Variants in GAREM1 observed in about 807,000 individuals in gnomAD.
GAREM1 encodes the protein GRB2-associated and regulator of MAPK protein 1.
A neutral mutation model predicts 71.3 loss-of-function variants in GAREM1; 26 were observed. That is an observed-to-expected ratio of 0.36 (90% confidence interval 0.27 to 0.51). The LOEUF is 0.51. GAREM1 is among the 20% of genes least tolerant of loss of function. GAREM1 has a pLI of 0.95. For missense variants in GAREM1, 1,026 were observed against 1,103.1 expected (o/e 0.93, Z 0.99); for synonymous variants, 440 against 433.2 (o/e 1.02, Z -0.20).
chr18:32,393,096 G>T, intron 1 of GAREM1, 61 bp from the exon 2 acceptor site: 1 of 1,518,958 alleles, frequency 6.6e-7, no homozygotes. Flanking sequence ...TCCATACTTT[G>T]CAATAAAATT....
At position 32,288,198 on chromosome 18, in the gene GAREM1, A is replaced by G. The variant is rs1193857996; in HGVS notation, c.399T>C (p.Ala133=). ...CAGTGTCTTCATTGCATTCACCTGA[A>G]GCAACCTACAATATAATAAATCACA... ...MEDITFNVKV[A]SGECNEDTEV... is the part of the protein sequence containing the mutation. The change falls in exon 4 of 6, where the codon GCT becomes GCC. Residue 133 remains alanine, a synonymous_variant. Coordinates refer to ENST00000269209, the MANE Select transcript of GAREM1 (RefSeq NM_001242409.2). The G allele has an allele frequency of 6.3e-7, 1 of 1,596,534 alleles. No individual in the cohort carries two copies. Among genetic ancestry groups the G allele is most frequent in the East Asian group, 2.2e-5 (1 of 44,666 alleles).
chr18:32,341,073 C>T (rs1010069651), intron 2 of GAREM1, among the ~76,000 whole-genome samples: 1 of 152,090 alleles, frequency 6.6e-6, no homozygotes, highest in Non-Finnish European at 1.5e-5. Flanking sequence ...TGGTGTGCTG[C>T]ACCCATTAAC....
intron 1 of GAREM1, among the ~76,000 whole-genome samples, chr18:32,428,118 T>C (rs926344699): frequency 6.6e-6 from 1 of 152,122 alleles, no homozygotes; most frequent in African/African-American, 2.4e-5. Flanking sequence ...TGGAGGAAAA[T>C]TGTTAAAACA....
chr18:32,325,834 G>A (rs928778005), intron 2 of GAREM1, among the ~76,000 whole-genome samples: 1 of 152,048 alleles, frequency 6.6e-6, no homozygotes, highest in East Asian at 1.9e-4. Context: ...TATAATCCAG[G>A]ACAGTAATAC....
chr18:32,378,297 C>T (rs546380786), intron 2 of GAREM1, among the ~76,000 whole-genome samples: 3 of 151,992 alleles, frequency 2.0e-5, no homozygotes, highest in African/African-American at 7.2e-5. Context: ...GTCAGGAGTT[C>T]GAGACCAGCC....
chr18:32,415,390 C>A (rs1044096690), intron 1 of GAREM1, among the ~76,000 whole-genome samples: 70 of 151,690 alleles, frequency 4.6e-4, no homozygotes, highest in African/African-American at 1.6e-3. Context: ...CCAAACCAGA[C>A]AAAGGCACAT....
chr18:32,412,298 G>C (rs1275524130), intron 1 of GAREM1: 1 of 1,590,460 alleles, frequency 6.3e-7, no homozygotes, highest in Admixed American at 1.7e-5. Flanking sequence ...CAAAGTACTG[G>C]CCTCCACCGC....
chr18:32,277,213 T>C (rs541291382), intron 4 of GAREM1, among the ~76,000 whole-genome samples: 2 of 151,944 alleles, frequency 1.3e-5, no homozygotes, highest in South Asian at 4.2e-4. Flanking sequence ...AAGAAAGGAG[T>C]GAGGCAGTTG....
chr18:32,274,958 CAA>C (rs60198341), intron 4 of GAREM1, among the ~76,000 whole-genome samples: 99 of 113,122 alleles, frequency 8.8e-4, no homozygotes, highest in African/African-American at 2.7e-3. Flanking sequence ...ACAAAAAATA[CAA>C]AAAAAAAAAA....
chr18:32,279,303 G>A (rs546806803), intron 4 of GAREM1, among the ~76,000 whole-genome samples: 138 of 152,262 alleles, frequency 9.1e-4, no homozygotes, highest in African/African-American at 3.1e-3. Context: ...AGCAGGAGGC[G>A]AGCAGCTGGC....
At chr18:32,415,075 A>G in intron 1 of GAREM1, among the ~76,000 whole-genome samples, 1 of 152,154 alleles carries the variant, frequency 6.6e-6, no homozygotes, top group African/African-American at 2.4e-5. Context: ...TACTATGAGC[A>G]ACTTATATGC....
intron 2 of GAREM1, among the ~76,000 whole-genome samples, chr18:32,349,070 T>C (rs1401651961): frequency 1.3e-5 from 2 of 152,218 alleles, no homozygotes; most frequent in East Asian, 1.9e-4. Context: ...TCAGACTATA[T>C]GATTTTCAAG....
intron 2 of GAREM1, among the ~76,000 whole-genome samples, chr18:32,332,240 G>A (rs1168351649): frequency 6.6e-6 from 1 of 151,842 alleles, no homozygotes; most frequent in Non-Finnish European, 1.5e-5. Context: ...AGAGAGTAAT[G>A]GCGGGGCCGG....
At chr18:32,302,703 G>C (rs2047212791) in intron 3 of GAREM1, among the ~76,000 whole-genome samples, 1 of 152,210 alleles carries the variant, frequency 6.6e-6, no homozygotes, top group Non-Finnish European at 1.5e-5. Flanking sequence ...TCAGAGGCTG[G>C]AGAGTGGGGA....
chr18:32,308,518 T>TA (rs944043725), intron 3 of GAREM1, among the ~76,000 whole-genome samples: 11 of 149,388 alleles, frequency 7.4e-5, no homozygotes, highest in African/African-American at 1.0e-4. Context: ...ACTAACTTTC[T>TA]AAAAAAAACT....
intron 1 of GAREM1, among the ~76,000 whole-genome samples, chr18:32,452,048 T>C (rs2048845133): frequency 6.6e-6 from 1 of 152,186 alleles, no homozygotes; most frequent in African/African-American, 2.4e-5. Flanking sequence ...TTCACTCATA[T>C]TCTGACATGC....
chr18:32,428,768 T>C (rs141709597), intron 1 of GAREM1, among the ~76,000 whole-genome samples: 131 of 152,306 alleles, frequency 8.6e-4, no homozygotes, highest in African/African-American at 3.1e-3. Flanking sequence ...GACACAACAT[T>C]TAATACTAAA....
intron 1 of GAREM1, among the ~76,000 whole-genome samples, chr18:32,451,248 T>TCCCCCCCCCCCCCCCC (rs1164223308): frequency 4.9e-5 from 5 of 102,440 alleles, no homozygotes; most frequent in African/African-American, 1.7e-4. Flanking sequence ...AGAGCCCCCA[T>TCCCCCCCCCCCCCCCC]CCCCCCACCC....
intron 2 of GAREM1, among the ~76,000 whole-genome samples, chr18:32,350,634 C>T (rs990001625): frequency 8.5e-5 from 13 of 152,164 alleles, no homozygotes; most frequent in Non-Finnish European, 1.6e-4. Flanking sequence ...CATTTCAATG[C>T]AATTTTAAAA....
Sources: gnomAD v4.1 joint callset for allele counts (sites outside exome capture counted in the v4.1 genomes callset) on GRCh38, gnomAD v4.1.1 for gene constraint, MANE v1.5 for transcripts, NCBI Gene and HGNC (gene_info 2026-07-23, HGNC 2026-07-21) for gene names.